MAGI3: variants seen among roughly 807,000 people sequenced by gnomAD.
The protein encoded by MAGI3 is membrane-associated guanylate kinase, WW and PDZ domain-containing protein 3.
MAGI3 carries 43 observed loss-of-function variants against 121.8 expected under a neutral mutation model. The observed-to-expected ratio is 0.35, with a 90% CI of 0.28 to 0.46. MAGI3 has a LOEUF of 0.46. Among genes scored for constraint, MAGI3 ranks in the 20% least tolerant of loss-of-function variants. The probability of loss-of-function intolerance (pLI) is 1.00; values close to 1 mark genes in which losing one functional copy is unlikely to be tolerated. For missense variants in MAGI3, 1,547 were observed against 1,797.3 expected, an observed-to-expected ratio of 0.86 and a Z score of 2.52; for synonymous variants, 553 against 639.3, an observed-to-expected ratio of 0.86 and a Z score of 2.04.
At chr1:113,612,555 C>A (rs1057207479) in intron 6 of MAGI3, among the ~76,000 whole-genome samples, 4 of 150,564 alleles carry the variant, frequency 2.7e-5, no homozygotes, top group Non-Finnish European at 4.4e-5. Context: ...ATTTTTATTA[C>A]CTTCACTTTA....
rs772222364 is a variant in MAGI3, at chr1:113,673,444, C to T, written c.3168C>T (p.Ala1056=). 3.1e-6 allele frequency: 5 copies of T among 1,612,876 alleles called. No homozygotes were observed. In the South Asian group the frequency reaches 5.5e-5, roughly 18 times the overall value. Residue 1056 remains alanine (A), a synonymous_variant, in exon 19 of 21, where the codon GCC becomes GCT. Transcript: ENST00000307546. ...FILRLAEDGP[A]IKDGRIHVGD... Reference sequence around the variant, plus strand: ...TTCGTCTTGCTGAAGATGGTCCTGCCATCAAAGATGGCAGAATTCATGTGA... The same window carrying T: ...TTCGTCTTGCTGAAGATGGTCCTGCTATCAAAGATGGCAGAATTCATGTGA...
chr1:113,392,334 G>A (rs1650871893), intron 1 of MAGI3, among the ~76,000 whole-genome samples: 1 of 152,172 alleles, frequency 6.6e-6, no homozygotes, highest in South Asian at 2.1e-4. Context: ...TCCTTAATGT[G>A]CTCTGCTGAG....
chr1:113,505,903 G>A (rs920546727), intron 1 of MAGI3, among the ~76,000 whole-genome samples: 4 of 152,164 alleles, frequency 2.6e-5, no homozygotes, highest in Non-Finnish European at 5.9e-5. Flanking sequence ...CTTGTAGGGC[G>A]TTGTCACCCT....
At chr1:113,529,163 T>G (rs1658591090) in intron 1 of MAGI3, among the ~76,000 whole-genome samples, 1 of 152,226 alleles carries the variant, frequency 6.6e-6, no homozygotes, top group Admixed American at 6.5e-5. Flanking sequence ...CTGTCATAGG[T>G]AAACATTTTT....
intron 2 of MAGI3, among the ~76,000 whole-genome samples, chr1:113,552,475 C>T (rs1439556544): frequency 1.3e-5 from 2 of 152,166 alleles, no homozygotes; most frequent in Non-Finnish European, 2.9e-5. Flanking sequence ...GATATTTTGC[C>T]TGCATGGGAT....
At chr1:113,492,795 A>G (rs1656732686) in intron 1 of MAGI3, among the ~76,000 whole-genome samples, 1 of 152,176 alleles carries the variant, frequency 6.6e-6, no homozygotes, top group South Asian at 2.1e-4. Context: ...CCCATTCACA[A>G]TTGCCACAAA....
chr1:113,458,122 G>A (rs1434247120), intron 1 of MAGI3, among the ~76,000 whole-genome samples: 1 of 152,196 alleles, frequency 6.6e-6, no homozygotes, highest in African/African-American at 2.4e-5. Flanking sequence ...TTTTCAAAGT[G>A]AGATGTTTAT....
chr1:113,619,713 G>A (rs762704893), intron 7 of MAGI3, 23 bp from the exon 8 acceptor site: 9 of 1,463,684 alleles, frequency 6.1e-6, no homozygotes, highest in Non-Finnish European at 7.6e-6. Flanking sequence ...AAACTGAAAT[G>A]TATATTTTTC....
chr1:113,391,499 G>A lies in MAGI3; in HGVS notation c.316+150G>A, dbSNP rs1239586802. 2 of 907,156 alleles carry A rather than the reference G, an allele frequency of 2.2e-6. No individual in the cohort carries two copies. The highest frequency in any genetic ancestry group is 3.2e-6 in the Non-Finnish European group (2 of 615,874). The allele number at this position is 907,156 out of a possible 1,614,324, so 56.2% of individuals were successfully genotyped here. A position where few individuals can be genotyped will look rare whatever the true frequency, so the allele number is the denominator to read the frequency against. ...CCAGACTCCTTGACGAGGGGGAGGG[G>A]TGGCGTTGGTGAGTCCCATTTTGCC... is the stretch of plus-strand genomic sequence containing the variant. On this transcript the variant is annotated intron_variant, in intron 1 of 20. Coordinates refer to ENST00000307546, the MANE Select transcript of MAGI3 (RefSeq NM_001142782.2). The surrounding 1 kb of genome is among the most constrained non-coding windows in gnomAD (Gnocchi z 4.4).
intron 18 of MAGI3, 21 bp downstream of exon 18, chr1:113,672,762 ATGGG>A (rs751078878): frequency 1.3e-6 from 2 of 1,595,200 alleles, no homozygotes; most frequent in African/African-American, 2.7e-5. Flanking sequence ...ATTTCCCCAG[ATGGG>A]GAGTGATATT....
At position 113,460,292 on chromosome 1, in the gene MAGI3, A is replaced by G. The variant is rs769206904; in HGVS notation, c.316+68943A>G. 5.3e-5 allele frequency among the ~76,000 whole-genome samples: 8 copies of G among 152,342 alleles called. No homozygotes were observed. In the East Asian group the frequency reaches 1.4e-3, roughly 26 times the overall value. On this transcript the variant is annotated intron_variant, in intron 1 of 20. Coordinates refer to ENST00000307546, the MANE Select transcript of MAGI3 (RefSeq NM_001142782.2). Reference sequence around the variant, plus strand: ...TACCTCAAAATAATAAGAGCCATCTATGACAAACCCACAGCCAACATTGAA... The same window carrying G: ...TACCTCAAAATAATAAGAGCCATCTGTGACAAACCCACAGCCAACATTGAA...
intron 6 of MAGI3, among the ~76,000 whole-genome samples, chr1:113,598,119 G>A (rs1330108540): frequency 2.0e-5 from 3 of 152,086 alleles, no homozygotes; most frequent in Non-Finnish European, 4.4e-5. Context: ...GGCTGAGGCA[G>A]GAGAATTGCT....
intron 9 of MAGI3, among the ~76,000 whole-genome samples, chr1:113,640,539 C>G (rs774463158): frequency 8.0e-4 from 122 of 152,078 alleles, no homozygotes; most frequent in Non-Finnish European, 1.1e-3. Flanking sequence ...CTATGGAATA[C>G]TATGCAGCCA....
At chr1:113,456,823 G>T (rs1654781834) in intron 1 of MAGI3, among the ~76,000 whole-genome samples, 1 of 148,848 alleles carries the variant, frequency 6.7e-6, no homozygotes, top group African/African-American at 2.5e-5. Flanking sequence ...TATGAAAATA[G>T]GATAAAATAA....
chr1:113,554,143 A>C (rs544244237), intron 2 of MAGI3, among the ~76,000 whole-genome samples: 1 of 152,348 alleles, frequency 6.6e-6, no homozygotes, highest in East Asian at 1.9e-4. Context: ...TCAAAAGAAA[A>C]GTCAGCTGAT....
At chr1:113,528,313 A>G (rs1429522373) in intron 1 of MAGI3, among the ~76,000 whole-genome samples, 1 of 148,064 alleles carries the variant, frequency 6.8e-6, no homozygotes. Flanking sequence ...TTTTTTTTGA[A>G]AGGAGGAGAC....
rs544408404 is a variant in MAGI3, at chr1:113,427,594, G to A, written c.316+36245G>A. On this transcript the variant is annotated intron_variant, in intron 1 of 20. Transcript: ENST00000307546. ...TTCTGTAGAGTAGAGGGCACATATA[G>A]TCCTGAAATCCCAAATTAGTTTGCT... Among the ~76,000 whole-genome samples, 3 of 152,238 alleles carry A rather than the reference G, an allele frequency of 2.0e-5. No individual in the cohort carries two copies. The South Asian group carries it at 6.2e-4, about 32-fold the overall frequency.
At chr1:113,412,960 T>C (rs910743828) in intron 1 of MAGI3, among the ~76,000 whole-genome samples, 8 of 152,258 alleles carry the variant, frequency 5.3e-5, no homozygotes, top group Non-Finnish European at 1.2e-4. Context: ...CCCATGCCTA[T>C]GTCCTGAATG....
chr1:113,494,696 A>G (rs1192214391), intron 1 of MAGI3, among the ~76,000 whole-genome samples: 2 of 152,216 alleles, frequency 1.3e-5, no homozygotes, highest in African/African-American at 2.4e-5. Context: ...TTTACATATT[A>G]TGCATGGGTC....
Sources: allele counts gnomAD v4.1 joint callset (sites outside exome capture counted in the v4.1 genomes callset), GRCh38; gene constraint gnomAD v4.1.1; non-coding constraint Gnocchi (gnomAD v3.1); transcripts MANE v1.5; gene names NCBI Gene and HGNC (gene_info 2026-07-23, HGNC 2026-07-21).